The following UST variants were observed in gnomAD, a reference collection of about 807,000 sequenced individuals.
UST encodes the protein uronyl 2-sulfotransferase, also known as chondroitin sulfate 2-O-sulfotransferase.
A neutral mutation model predicts 45.6 loss-of-function variants in UST; 21 were observed. The ratio of observed to expected loss-of-function variants is 0.46; its 90% CI spans 0.33 to 0.66. UST has a LOEUF of 0.66. UST is among the 30% of genes least tolerant of loss of function. UST has a pLI of 0.02. For missense variants in UST, 463 were observed against 512.4 expected (o/e 0.90, Z 0.93); for synonymous variants, 215 against 200.6 (o/e 1.07, Z -0.61).
chr6:148,988,272 C>T (rs1164969111), intron 5 of UST, among the ~76,000 whole-genome samples: 1 of 152,092 alleles, frequency 6.6e-6, no homozygotes, highest in East Asian at 1.9e-4. Context: ...ACCTGGTTTA[C>T]TCCCTTTATT....
chr6:148,815,922 A>G (rs1777345379), intron 1 of UST, among the ~76,000 whole-genome samples: 3 of 152,158 alleles, frequency 2.0e-5, no homozygotes, highest in South Asian at 2.1e-4. Flanking sequence ...TTTTCTTTTC[A>G]TTATACTCAG....
intron 6 of UST, among the ~76,000 whole-genome samples, chr6:149,020,177 G>A (rs1331474676): frequency 6.6e-6 from 1 of 152,138 alleles, no homozygotes; most frequent in Non-Finnish European, 1.5e-5. Context: ...TCGTTTTTAG[G>A]CGTATTGTTG....
At chr6:148,850,118 AT>A (rs1190607518) in intron 1 of UST, among the ~76,000 whole-genome samples, 1 of 152,144 alleles carries the variant, frequency 6.6e-6, no homozygotes, top group African/African-American at 2.4e-5. Flanking sequence ...TTATATTTCT[AT>A]GAGTGTAGTG....
intron 1 of UST, among the ~76,000 whole-genome samples, chr6:148,826,984 A>G (rs1777580672): frequency 6.6e-6 from 1 of 151,920 alleles, no homozygotes; most frequent in Non-Finnish European, 1.5e-5. Context: ...AATCTCCTGA[A>G]GTCTCTTTTG....
chr6:149,012,803 TTAA>T (rs1562329359), intron 5 of UST, among the ~76,000 whole-genome samples: 3 of 87,222 alleles, frequency 3.4e-5, no homozygotes, highest in Non-Finnish European at 2.6e-5. Flanking sequence ...GAGTCACTAT[TTAA>T]AAAAAAAAAA....
chr6:148,870,104 TCA>T (rs60229120), intron 1 of UST, among the ~76,000 whole-genome samples: 66,476 of 141,302 alleles, frequency 0.47, 16,744 homozygotes, highest in Non-Finnish European at 0.58. Context: ...TGGTAATGTT[TCA>T]CACACACACA....
At chr6:148,916,273 C>T (rs980567668) in intron 2 of UST, among the ~76,000 whole-genome samples, 2 of 152,236 alleles carry the variant, frequency 1.3e-5, no homozygotes, top group South Asian at 2.1e-4. Context: ...AGTAATTTGC[C>T]GAAAGGGATG....
At chr6:148,862,913 C>G (rs1223445160) in intron 1 of UST, among the ~76,000 whole-genome samples, 2 of 143,296 alleles carry the variant, frequency 1.4e-5, no homozygotes, top group East Asian at 2.3e-4. Context: ...TGACCTTTCT[C>G]TCTGGCGCCC....
At chr6:148,855,459 G>T (rs1345879670) in intron 1 of UST, among the ~76,000 whole-genome samples, 1 of 152,238 alleles carries the variant, frequency 6.6e-6, no homozygotes, top group Non-Finnish European at 1.5e-5. Context: ...AGCCAGGTGA[G>T]GAAGGCCAGT....
At chr6:148,796,288 T>A (rs62426070) in intron 1 of UST, among the ~76,000 whole-genome samples, 15,207 of 152,252 alleles carry the variant, frequency 0.1, 1,043 homozygotes, top group Non-Finnish European at 0.15. Context: ...TACAGAAATT[T>A]TCTTGATAAC....
intron 3 of UST, among the ~76,000 whole-genome samples, chr6:148,944,352 T>A (rs1393384211): frequency 1.3e-5 from 2 of 152,146 alleles, no homozygotes; most frequent in Non-Finnish European, 2.9e-5. Flanking sequence ...GAAAATGTGC[T>A]CCAAGTTTCA....
At position 148,747,344 on chromosome 6, in the gene UST, C is replaced by T; in HGVS notation, c.-87C>T. ...CCCTCCGCGCGGCCCTCCCCATGTG[C>T]AGCCGGCCAGCCGGGCTCTCCTCCT... On this transcript the variant is annotated 5_prime_UTR_variant, in exon 1 of 8. Transcript: ENST00000367463. The T allele has an allele frequency of 7.4e-7, 1 of 1,347,966 alleles. No homozygotes were observed. Among genetic ancestry groups the T allele is most frequent in the Non-Finnish European group, 9.6e-7 (1 of 1,045,820 alleles). 83.5% of individuals were successfully genotyped at this position (1,347,966 alleles called of 1,614,324 possible).
At chr6:148,958,876 A>T (rs369371544) in intron 4 of UST, 3 of 152,188 alleles carry the variant, frequency 2.0e-5, no homozygotes, top group African/African-American at 7.2e-5. Flanking sequence ...AAATAGTCCA[A>T]ATGCATTATG....
chr6:148,850,835 C>G (rs1312792864), intron 1 of UST, among the ~76,000 whole-genome samples: 2 of 152,176 alleles, frequency 1.3e-5, no homozygotes, highest in Non-Finnish European at 2.9e-5. Context: ...CCCACTCGGA[C>G]GAGGCCTTCA....
intron 1 of UST, among the ~76,000 whole-genome samples, chr6:148,818,114 C>T (rs2114739238): frequency 6.6e-6 from 1 of 152,306 alleles, no homozygotes; most frequent in South Asian, 2.1e-4. Flanking sequence ...GACTTTGATA[C>T]TTTGCTAGTC....
rs112610382 is a variant in UST, at chr6:148,994,849, C to A, written c.682-24290C>A. 5.5e-4 allele frequency among the ~76,000 whole-genome samples: 84 copies of A among 152,250 alleles called. 1 individual carries two copies. The highest frequency in any genetic ancestry group is 1.9e-3 in the African/African-American group (77 of 41,544). On this transcript the variant is annotated intron_variant, in intron 5 of 7. Coordinates refer to ENST00000367463, the MANE Select transcript of UST (RefSeq NM_005715.3). ...TCCTCAAGTCCTTGCATTTCCAGGA[C>A]CACTTCATCCAATGTTGCTGAACCC...
intron 5 of UST, among the ~76,000 whole-genome samples, chr6:149,007,587 C>T (rs1451028861): frequency 3.3e-5 from 5 of 150,682 alleles, no homozygotes; most frequent in African/African-American, 1.2e-4. Context: ...CGCGCCTGGC[C>T]TTTTTTTTGT....
Position 149,031,452 on chromosome 6 carries a change from T to C in UST, c.937+9971T>C, listed in dbSNP as rs529904338. Among the ~76,000 whole-genome samples, 40 of 152,344 alleles carry C rather than the reference T, an allele frequency of 2.6e-4. 1 individual carries two copies. The South Asian group carries it at 7.7e-3, about 29-fold the overall frequency. On this transcript the variant is annotated intron_variant, in intron 7 of 7. Coordinates refer to ENST00000367463, the MANE Select transcript of UST (RefSeq NM_005715.3). ...CTCTAGGCTTGTTTAATTTACTTTATGAAAGCTTAAATTGCAGCATAATAT... is the reference window on the plus strand; with the variant it reads ...CTCTAGGCTTGTTTAATTTACTTTACGAAAGCTTAAATTGCAGCATAATAT...
intron 7 of UST, among the ~76,000 whole-genome samples, chr6:149,047,931 AG>A (rs1433953116): frequency 2.0e-5 from 3 of 152,232 alleles, no homozygotes; most frequent in Non-Finnish European, 2.9e-5. Flanking sequence ...ATGGTGTAAA[AG>A]CACAAGCTCA....
Sources: gnomAD v4.1 joint callset for allele counts (sites outside exome capture counted in the v4.1 genomes callset) on GRCh38, gnomAD v4.1.1 for gene constraint, MANE v1.5 for transcripts, NCBI Gene and HGNC (gene_info 2026-07-23, HGNC 2026-07-21) for gene names.